The following COL4A4 variants were observed in gnomAD, a reference collection of about 807,000 sequenced individuals.
The protein encoded by COL4A4 is collagen alpha-4(IV) chain.
In COL4A4, 105 loss-of-function variants were observed where a neutral mutation model predicts 192.9. The ratio of observed to expected loss-of-function variants is 0.54; its 90% CI spans 0.46 to 0.64. The LOEUF (loss-of-function observed/expected upper bound fraction) is 0.64, where lower values mean the gene tolerates loss of function less well. COL4A4 is among the 30% of genes least tolerant of loss of function. The pLI, the probability that COL4A4 is intolerant of heterozygous loss-of-function variation, is 0.00. For missense variants in COL4A4, 1,967 were observed against 2,169.3 expected, an observed-to-expected ratio of 0.91 and a Z score of 1.85; for synonymous variants, 762 against 769.9, an observed-to-expected ratio of 0.99 and a Z score of 0.17.
At chr2:227,149,999 C>G (rs939860816) in intron 1 of COL4A4, among the ~76,000 whole-genome samples, 1 of 152,224 alleles carries the variant, frequency 6.6e-6, no homozygotes, top group African/African-American at 2.4e-5. Flanking sequence ...ACCATATAAT[C>G]TCTATGACAA....
In COL4A4 at chr2:227,088,657, A is replaced by G. The variant is rs374709257; in HGVS notation, c.1619T>C (p.Leu540Pro). 2 of 1,614,050 alleles carry G rather than the reference A, an allele frequency of 1.2e-6. No homozygotes were observed. Among genetic ancestry groups the G allele is most frequent in the South Asian group, 1.1e-5 (1 of 91,088 alleles). Residue 540 changes from leucine (L) to proline (P), a missense_variant, in exon 22 of 48, where the codon CTA becomes CCA. Coordinates refer to ENST00000396625, the MANE Select transcript of COL4A4 (RefSeq NM_000092.5). ...TGACTGGTAAGAGGTACTCACTGGT[A>G]GCCCTGGAGGTCCTTCAGCACCAGG... The part of the protein sequence containing the change: ...GPPGAEGPPG[L>P]PGKHGASGPP...
the COL4A4 span, among the ~76,000 whole-genome samples, chr2:226,974,406 T>A: frequency 5.3e-4 from 80 of 151,854 alleles, no homozygotes; most frequent in Admixed American, 5.2e-3. Flanking sequence ...CCTGGCTAAT[T>A]TTTTGTATTT....
At chr2:227,125,954 C>A (rs1363194728) in intron 4 of COL4A4, among the ~76,000 whole-genome samples, 1 of 152,154 alleles carries the variant, frequency 6.6e-6, no homozygotes. Flanking sequence ...CAGAGAACAA[C>A]AAACTCTTTA....
At chr2:227,089,663 A>C (rs2059805869) in intron 21 of COL4A4, among the ~76,000 whole-genome samples, 1 of 136,504 alleles carries the variant, frequency 7.3e-6, no homozygotes, top group African/African-American at 2.5e-5. Flanking sequence ...ATAATATATA[A>C]GACACAAGGC....
chr2:227,048,165 T>C (rs1973295971), intron 34 of COL4A4, among the ~76,000 whole-genome samples: 1 of 151,666 alleles, frequency 6.6e-6, no homozygotes, highest in Non-Finnish European at 1.5e-5. Context: ...CAAAATGGAG[T>C]GGGAGGAAAG....
At chr2:227,060,788 C>T (rs1976784558) in intron 26 of COL4A4, among the ~76,000 whole-genome samples, 1 of 149,236 alleles carries the variant, frequency 6.7e-6, no homozygotes, top group Non-Finnish European at 1.5e-5. Context: ...AGTGCAGTGA[C>T]GCAGTCTCGG....
At chr2:227,073,152 G>A (rs184417704) in intron 25 of COL4A4, among the ~76,000 whole-genome samples, 2 of 151,998 alleles carry the variant, frequency 1.3e-5, no homozygotes, top group East Asian at 3.9e-4. Context: ...AAATCCTAAG[G>A]ATTCTTCAAA....
chr2:227,039,520 A>C (rs55743957), intron 37 of COL4A4, among the ~76,000 whole-genome samples: 2,266 of 152,316 alleles, frequency 0.015, 62 homozygotes, highest in African/African-American at 0.052. Flanking sequence ...TGATAAATGC[A>C]AACAAATTCA....
intron 39 of COL4A4, 32 bp from the exon 40 acceptor site, chr2:227,032,087 A>T: frequency 6.2e-7 from 1 of 1,613,988 alleles, no homozygotes; most frequent in African/African-American, 1.3e-5. Context: ...TGTTATCCTC[A>T]TTGCATTTGG....
chr2:227,109,047 C>T (rs1252990108), intron 10 of COL4A4, 177 bp downstream of exon 10: 10 of 880,236 alleles, frequency 1.1e-5, no homozygotes, highest in African/African-American at 8.2e-5. Context: ...GTGGCTCATC[C>T]GCAGGGACCT....
chr2:226,989,210 T>G, the COL4A4 span, among the ~76,000 whole-genome samples: 1 of 152,184 alleles, frequency 6.6e-6, no homozygotes, highest in Non-Finnish European at 1.5e-5. Flanking sequence ...GAAATTCTAC[T>G]TGGAGGGATA....
chr2:227,089,353 C>T (rs1687048169), intron 21 of COL4A4, among the ~76,000 whole-genome samples: 1 of 151,864 alleles, frequency 6.6e-6, no homozygotes, highest in Non-Finnish European at 1.5e-5. Flanking sequence ...TCAGGGTAGT[C>T]AGACTCCTCA....
At chr2:226,987,352 T>C in the COL4A4 span, among the ~76,000 whole-genome samples, 1 of 151,336 alleles carries the variant, frequency 6.6e-6, no homozygotes, top group Non-Finnish European at 1.5e-5. Context: ...AAAAAAAAAA[T>C]TGGGATGGGA....
At chr2:226,995,552 C>T in the COL4A4 span, 4 of 1,453,510 alleles carry the variant, frequency 2.8e-6, no homozygotes, top group East Asian at 2.3e-5. Context: ...ATGGCCTATT[C>T]GTGTAATTAT....
At chr2:227,134,829 G>A (rs1356097314) in intron 4 of COL4A4, among the ~76,000 whole-genome samples, 1 of 152,200 alleles carries the variant, frequency 6.6e-6, no homozygotes, top group Non-Finnish European at 1.5e-5. Context: ...TGACCTCCGT[G>A]TTTGTAAAAC....
At chr2:227,132,197 C>T (rs1471947830) in intron 4 of COL4A4, among the ~76,000 whole-genome samples, 1 of 152,148 alleles carries the variant, frequency 6.6e-6, no homozygotes, top group African/African-American at 2.4e-5. Flanking sequence ...CCAAATTGTC[C>T]ACCTGGGGAG....
chr2:227,080,495 C>A lies in COL4A4; in HGVS notation c.1751G>T (p.Gly584Val). ...DGPPGFPGQP[G>V]SHGRDGHAGE... ...AGCATGTCCATCCCGACCATGTGAT[C>A]CTGGCTGCCCTGGAAATCCTGGGGG... The change falls in exon 24 of 48, where the codon GGA becomes GTA. Residue 584 changes from glycine (G) to valine (V), a missense_variant. By Grantham distance (109) the Gly-to-Val change is moderately radical. Coordinates refer to ENST00000396625, the MANE Select transcript of COL4A4 (RefSeq NM_000092.5). The A allele has an allele frequency of 6.2e-7, 1 of 1,614,144 alleles. No individual in the cohort carries two copies. Among genetic ancestry groups the A allele is most frequent in the Non-Finnish European group, 8.5e-7 (1 of 1,180,028 alleles).
At chr2:227,057,395 T>G (rs759105062) in intron 29 of COL4A4, 44 bp downstream of exon 29, 98 of 1,561,676 alleles carry the variant, frequency 6.3e-5, no homozygotes, top group Non-Finnish European at 8.3e-5. Context: ...TATTTAATTG[T>G]AAGTAGGGTA....
At chr2:227,010,212 C>G in intron 46 of COL4A4, 101 bp downstream of exon 46, 1 of 1,189,120 alleles carries the variant, frequency 8.4e-7, no homozygotes, top group African/African-American at 1.5e-5. Context: ...AAGAATAATC[C>G]CATATAAGGT....
Sources: allele counts gnomAD v4.1 joint callset (sites outside exome capture counted in the v4.1 genomes callset), GRCh38; gene constraint gnomAD v4.1.1; transcripts MANE v1.5; gene names NCBI Gene and HGNC (gene_info 2026-07-23, HGNC 2026-07-21).